Variants in DRC11 observed in about 807,000 individuals in gnomAD.
DRC11 encodes the protein IQ and AAA domain-containing protein 1.
At chr2:236,337,383 TCTC>T in the DRC11 span, among the ~76,000 whole-genome samples, 2 of 152,094 alleles carry the variant, frequency 1.3e-5, no homozygotes, top group South Asian at 2.1e-4. This position sits in a 1 kb window ranked among gnomAD's most constrained non-coding sequence, Gnocchi z 4.9. Context: ...ACCACCTTCT[TCTC>T]TTCCTCTACC....
At chr2:236,488,302 G>T in the DRC11 span, 1 of 699,936 alleles carries the variant, frequency 1.4e-6, no homozygotes, top group Non-Finnish European at 2.2e-6. Flanking sequence ...GGTCCCCACG[G>T]CTGATCATGA....
the DRC11 span, among the ~76,000 whole-genome samples, chr2:236,498,048 T>C: frequency 6.6e-6 from 1 of 152,274 alleles, no homozygotes; most frequent in African/African-American, 2.4e-5. Context: ...AAATAAATTG[T>C]AGTATATACA....
At chr2:236,439,488 C>G in the DRC11 span, among the ~76,000 whole-genome samples, 42 of 152,064 alleles carry the variant, frequency 2.8e-4, no homozygotes, top group Non-Finnish European at 5.3e-4. Context: ...TTTATTGAGT[C>G]TTTTTATCCA....
chr2:236,450,106 A>G, the DRC11 span, among the ~76,000 whole-genome samples: 2 of 152,212 alleles, frequency 1.3e-5, no homozygotes, highest in Non-Finnish European at 2.9e-5. Context: ...ATGTAATTAA[A>G]TAAAACAATA....
At chr2:236,497,136 C>T in the DRC11 span, 6 of 1,543,484 alleles carry the variant, frequency 3.9e-6, no homozygotes, top group Non-Finnish European at 5.3e-6. The surrounding 1 kb of genome is among the most constrained non-coding windows in gnomAD (Gnocchi z 5.1). Context: ...AAAAAAGCAA[C>T]TAATAAGAAA....
the DRC11 span, among the ~76,000 whole-genome samples, chr2:236,360,089 A>G: frequency 6.6e-6 from 1 of 152,204 alleles, no homozygotes; most frequent in African/African-American, 2.4e-5. This position sits in a 1 kb window ranked among gnomAD's most constrained non-coding sequence, Gnocchi z 5.8. Flanking sequence ...GTGAGAACAG[A>G]AAGATCACAT....
chr2:236,357,079 A>ATATATTTTATATAT, the DRC11 span, among the ~76,000 whole-genome samples: 4 of 123,134 alleles, frequency 3.2e-5, no homozygotes, highest in African/African-American at 1.2e-4. Flanking sequence ...TATATTATAT[A>ATATATTTTATATAT]TCTATATATT....
At chr2:236,465,811 C>G in the DRC11 span, 1 of 724,974 alleles carries the variant, frequency 1.4e-6, no homozygotes, top group East Asian at 2.7e-5. This position sits in a 1 kb window ranked among gnomAD's most constrained non-coding sequence, Gnocchi z 6.2. Context: ...TCCATAGTGT[C>G]TAGCAAAGGC....
the DRC11 span, chr2:236,441,173 G>T: frequency 1.7e-6 from 2 of 1,181,412 alleles, no homozygotes; most frequent in Non-Finnish European, 2.5e-6. Context: ...GTCCTCTCTT[G>T]TTATATACCC....
the DRC11 span, among the ~76,000 whole-genome samples, chr2:236,504,540 C>T: frequency 3.9e-5 from 6 of 152,306 alleles, no homozygotes; most frequent in African/African-American, 1.4e-4. This position sits in a 1 kb window ranked among gnomAD's most constrained non-coding sequence, Gnocchi z 5.0. Context: ...CTGGAGGTCA[C>T]TCAATCTCTT....
the DRC11 span, among the ~76,000 whole-genome samples, chr2:236,401,760 G>C: frequency 1.3e-5 from 2 of 151,896 alleles, no homozygotes; most frequent in East Asian, 3.9e-4. The surrounding 1 kb of genome is among the most constrained non-coding windows in gnomAD (Gnocchi z 4.6). Context: ...GTTGGTGCGG[G>C]GAAGAGAGGG....
chr2:236,462,244 C>T, the DRC11 span, among the ~76,000 whole-genome samples: 14 of 152,160 alleles, frequency 9.2e-5, no homozygotes, highest in East Asian at 7.7e-4. This position sits in a 1 kb window ranked among gnomAD's most constrained non-coding sequence, Gnocchi z 6.4. Context: ...CCAGCAGAGC[C>T]GGGCTCAGAC....
the DRC11 span, among the ~76,000 whole-genome samples, chr2:236,490,228 C>T: frequency 6.6e-6 from 1 of 152,160 alleles, no homozygotes; most frequent in African/African-American, 2.4e-5. This position sits in a 1 kb window ranked among gnomAD's most constrained non-coding sequence, Gnocchi z 5.5. Context: ...GAGCAAACTC[C>T]AAGGCTGGTG....
At chr2:236,331,263 C>T in the DRC11 span, 8 of 902,722 alleles carry the variant, frequency 8.9e-6, no homozygotes, top group East Asian at 2.4e-5. This position sits in a 1 kb window ranked among gnomAD's most constrained non-coding sequence, Gnocchi z 4.8. Context: ...TGTATATGGC[C>T]GAGTTCCAAT....
At chr2:236,454,107 C>T in the DRC11 span, among the ~76,000 whole-genome samples, 1 of 152,060 alleles carries the variant, frequency 6.6e-6, no homozygotes, top group African/African-American at 2.4e-5. This position sits in a 1 kb window ranked among gnomAD's most constrained non-coding sequence, Gnocchi z 5.3. Context: ...GTGGGATGGA[C>T]AGAAAAGCAC....
the DRC11 span, among the ~76,000 whole-genome samples, chr2:236,393,921 C>T: frequency 2.0e-5 from 3 of 152,088 alleles, no homozygotes; most frequent in East Asian, 3.9e-4. The surrounding 1 kb of genome is among the most constrained non-coding windows in gnomAD (Gnocchi z 4.7). Context: ...GAGACCATTC[C>T]CCTTTCTGAG....
chr2:236,362,543 A>G, the DRC11 span, among the ~76,000 whole-genome samples: 1 of 152,212 alleles, frequency 6.6e-6, no homozygotes, highest in Non-Finnish European at 1.5e-5. This position sits in a 1 kb window ranked among gnomAD's most constrained non-coding sequence, Gnocchi z 5.7. Flanking sequence ...TACACCATAC[A>G]AAATACGTGT....
chr2:236,318,719 C>T, the DRC11 span, among the ~76,000 whole-genome samples: 9 of 151,928 alleles, frequency 5.9e-5, no homozygotes, highest in Admixed American at 5.9e-4. This position sits in a 1 kb window ranked among gnomAD's most constrained non-coding sequence, Gnocchi z 7.0. Flanking sequence ...TATGAATGCC[C>T]TGTGTGTGTG....
chr2:236,356,843 A>AT, the DRC11 span, among the ~76,000 whole-genome samples: 2 of 149,958 alleles, frequency 1.3e-5, no homozygotes, highest in Non-Finnish European at 3.0e-5. Context: ...TGAAATGTTT[A>AT]TTGCATGTTC....
Sources: gnomAD v4.1 joint callset for allele counts (sites outside exome capture counted in the v4.1 genomes callset) on GRCh38, gnomAD v4.1.1 for gene constraint, Gnocchi (gnomAD v3.1) non-coding constraint, MANE v1.5 for transcripts, NCBI Gene and HGNC (gene_info 2026-07-23, HGNC 2026-07-21) for gene names.